SLC26A9: variants seen among roughly 807,000 people sequenced by gnomAD.
SLC26A9 encodes solute carrier family 26 member 9.
Under a neutral mutation model 87.1 loss-of-function variants are expected in SLC26A9, and 46 were observed. That is an observed-to-expected ratio of 0.53 (90% CI 0.42 to 0.67). The LOEUF (loss-of-function observed/expected upper bound fraction) is 0.67, where lower values mean the gene tolerates loss of function less well. SLC26A9 is among the 30% of genes least tolerant of loss of function. SLC26A9 has a pLI of 0.00. For synonymous variants in SLC26A9, 437 were observed against 409.1 expected, an observed-to-expected ratio of 1.07 and a Z score of -0.82; for missense variants, 927 against 1,018.3, an observed-to-expected ratio of 0.91 and a Z score of 1.22.
intron 20 of SLC26A9, 113 bp from the exon 21 acceptor site, chr1:205,915,517 CCTGTGTGTGT>C (rs960898538): frequency 5.6e-5 from 65 of 1,159,114 alleles, no homozygotes; most frequent in Non-Finnish European, 7.4e-5. Context: ...GAACAAAGCA[CCTGTGTGTGT>C]GTGTGTGTGT....
chr1:205,930,740 C>G (rs74144110), intron 5 of SLC26A9, among the ~76,000 whole-genome samples: 5,420 of 152,280 alleles, frequency 0.036, 322 homozygotes, highest in African/African-American at 0.12. Flanking sequence ...ATCACACTCT[C>G]TCAGGCCTCA....
At chr1:205,942,009 A>G (rs529823388) in intron 1 of SLC26A9, among the ~76,000 whole-genome samples, 115 of 152,196 alleles carry the variant, frequency 7.6e-4, no homozygotes, top group Admixed American at 1.4e-3. Flanking sequence ...CCATCTTCCA[A>G]GTAGTGACCC....
At position 205,932,980 on chromosome 1, in the gene SLC26A9, C is replaced by G; in HGVS notation, c.230G>C (p.Gly77Ala). 3 of 1,614,104 alleles carry G rather than the reference C, an allele frequency of 1.9e-6. No homozygotes were observed. The highest frequency in any genetic ancestry group is 2.5e-6 in the Non-Finnish European group (3 of 1,180,016). Reference sequence around the variant, plus strand: ...CTGGATGGATCCCCCGCTGAGTCCACCGAGCAGGTCAGGAATGATGTAGTC... The same window carrying G: ...CTGGATGGATCCCCCGCTGAGTCCAGCGAGCAGGTCAGGAATGATGTAGTC... The part of the protein sequence containing the change: ...IKDYIIPDLL[G>A]GLSGGSIQVP... Residue 77 changes from glycine to alanine, a missense_variant, in exon 3 of 21, where the codon GGT becomes GCT. Coordinates refer to ENST00000367135, the MANE Select transcript of SLC26A9 (RefSeq NM_052934.4).
In SLC26A9 at chr1:205,927,623, G is replaced by C. The variant is rs762272335; in HGVS notation, c.1102-18C>G. 16 of 1,608,044 alleles carry C rather than the reference G, an allele frequency of 9.9e-6. No homozygotes were observed. The highest frequency in any genetic ancestry group is 1.1e-5 in the South Asian group (1 of 89,948). On this transcript the variant is annotated intron_variant, in intron 9 of 20. Transcript: ENST00000367135. Reference sequence around the variant, plus strand: ...ATCATCTCCTGCAGGGAGGGGACAGGATTAGAAGCCAGTGTGGGGCTGGGG... The same window carrying C: ...ATCATCTCCTGCAGGGAGGGGACAGCATTAGAAGCCAGTGTGGGGCTGGGG...
At position 205,943,401 on chromosome 1, in the gene SLC26A9, G is replaced by C. The variant is rs1359390586; in HGVS notation, c.-55C>G. 2.0e-5 allele frequency: 3 copies of C among 152,484 alleles called. No homozygotes were observed. The highest frequency in any genetic ancestry group is 7.2e-5 in the African/African-American group (3 of 41,458). 9.4% of individuals were successfully genotyped at this position (152,484 alleles called of 1,614,324 possible). The stretch of plus-strand genomic sequence containing the variant: ...CAAAGCCGGCTGGGCAGGGCTGCAG[G>C]TGTGTCTGGGGAGCGGGCAGCCGAA... On this transcript the variant is annotated 5_prime_UTR_variant, in exon 1 of 21. Coordinates refer to ENST00000367135, the MANE Select transcript of SLC26A9 (RefSeq NM_052934.4).
chr1:205,915,289 A>G lies in SLC26A9; in HGVS notation c.*68T>C. The G allele has an allele frequency of 6.2e-7, 1 of 1,610,658 alleles. No homozygotes were observed. The highest frequency in any genetic ancestry group is 1.1e-5 in the South Asian group (1 of 90,462). On this transcript the variant is annotated 3_prime_UTR_variant, in exon 21 of 21. Transcript: ENST00000367135. ...TCCGCCCGACACCCCCTGTGACCCC[A>G]GGCTCATCCTTTATGGAAGTCCCAA...
At chr1:205,934,399 G>C (rs1354282475) in intron 2 of SLC26A9, among the ~76,000 whole-genome samples, 1 of 152,188 alleles carries the variant, frequency 6.6e-6, no homozygotes, top group Non-Finnish European at 1.5e-5. Context: ...GGCAGAGAAA[G>C]CCGGACTTAT....
At chr1:205,930,740 C>T (rs74144110) in intron 5 of SLC26A9, among the ~76,000 whole-genome samples, 1 of 152,178 alleles carries the variant, frequency 6.6e-6, no homozygotes. Context: ...ATCACACTCT[C>T]TCAGGCCTCA....
rs1659378438 is a variant in SLC26A9 at position 205,933,202 on chromosome 1, C to T, written c.126-118G>A. ...ATTGGTTCATTCAAAATTCACTGAA[C>T]TGTGTGCCAGGGATATTGAGAAGAA... On this transcript the variant is annotated intron_variant, in intron 2 of 20. Coordinates refer to ENST00000367135, the MANE Select transcript of SLC26A9 (RefSeq NM_052934.4). 3 of 1,428,138 alleles carry T rather than the reference C, an allele frequency of 2.1e-6. No homozygotes were observed. The South Asian group carries it at 3.9e-5, about 18-fold the overall frequency. 88.5% of individuals were successfully genotyped at this position (1,428,138 alleles called of 1,614,324 possible). A position where few individuals can be genotyped will look rare whatever the true frequency, so the allele number is the denominator to read the frequency against.
At chr1:205,920,256 G>A (rs201481572) in intron 17 of SLC26A9, 26 bp from the exon 18 acceptor site, 16 of 1,613,568 alleles carry the variant, frequency 9.9e-6, no homozygotes, top group Non-Finnish European at 1.4e-5. Flanking sequence ...GGGTAGGGAG[G>A]CAAAAGGAAA....
chr1:205,927,299 A>G lies in SLC26A9; in HGVS notation c.1216-11T>C, dbSNP rs773594260. ...ACACAGGCTGGCCACCTATTCCGAG[A>G]AAGAGTTGGGGATAGAGGGAAGGTG... On this transcript the variant is annotated splice_polypyrimidine_tract_variant and intron_variant, in intron 10 of 20. Coordinates refer to ENST00000367135, the MANE Select transcript of SLC26A9 (RefSeq NM_052934.4). The G allele has an allele frequency of 1.2e-6, 2 of 1,613,992 alleles. No homozygotes were observed. The highest frequency in any genetic ancestry group is 2.2e-5 in the South Asian group (2 of 91,052).
chr1:205,927,493 T>C lies in SLC26A9; in HGVS notation c.1214A>G (p.Gln405Arg). ...CAACTCCCCTAGAACAAGGCTCACC[T>C]GGGATTTTCCTCCAGCTCCATCCAC... ...LAVDGAGGKS[Q>R]VASLCVSLVV... The change falls in exon 10 of 21, where the codon CAG becomes CGG. Residue 405 changes from glutamine to arginine, a missense_variant and splice_region_variant. By Grantham distance (43) the Gln-to-Arg change is conservative. Transcript: ENST00000367135. The C allele has an allele frequency of 1.9e-6, 3 of 1,613,704 alleles. No individual in the cohort carries two copies. Among genetic ancestry groups the C allele is most frequent in the Non-Finnish European group, 2.5e-6 (3 of 1,179,760 alleles).
chr1:205,943,135 A>G, intron 1 of SLC26A9, among the ~76,000 whole-genome samples: 1 of 152,172 alleles, frequency 6.6e-6, no homozygotes, highest in East Asian at 1.9e-4. Context: ...CCCTCAGTCA[A>G]GCCCAGCCTT....
chr1:205,930,782 C>T (rs1659272292), intron 5 of SLC26A9, among the ~76,000 whole-genome samples: 2 of 152,184 alleles, frequency 1.3e-5, no homozygotes, highest in African/African-American at 2.4e-5. Flanking sequence ...TCTGCCTGGA[C>T]CATCCTCTGT....
At position 205,937,773 on chromosome 1, in the gene SLC26A9, G is replaced by C. The variant is rs75422336; in HGVS notation, c.-18-1935C>G. Among the ~76,000 whole-genome samples the C allele has an allele frequency of 4.9e-3, 741 of 152,120 alleles. 5 individuals are homozygous for C. Among genetic ancestry groups the C allele is most frequent in the African/African-American group, 0.017 (690 of 41,460 alleles). Reference sequence around the variant, plus strand: ...GCTGTCCAGGTGGTTTGCCTGCGGGGGCTCAATGAGTGGGGAGCATGACCT... The same window carrying C: ...GCTGTCCAGGTGGTTTGCCTGCGGGCGCTCAATGAGTGGGGAGCATGACCT... On this transcript the variant is annotated intron_variant, in intron 1 of 20. Coordinates refer to ENST00000367135, the MANE Select transcript of SLC26A9 (RefSeq NM_052934.4).
rs1658441777 is a variant in SLC26A9, at chr1:205,913,190, A to G, written c.*2167T>C. 6.6e-6 allele frequency: 1 copy of G among 152,250 alleles called. No individual in the cohort carries two copies. The highest frequency in any genetic ancestry group is 6.5e-5 in the Admixed American group (1 of 15,282). 9.4% of individuals were successfully genotyped at this position (152,250 alleles called of 1,614,324 possible). A position where few individuals can be genotyped will look rare whatever the true frequency, so the allele number is the denominator to read the frequency against. ...TATATTATCACAGGTCAGTATCACT[A>G]AGAACATTCAAAAGCATTGAAATTC... On this transcript the variant is annotated 3_prime_UTR_variant, in exon 21 of 21. Transcript: ENST00000367135.
chr1:205,930,134 G>A (rs914187635), intron 5 of SLC26A9, 78 bp from the exon 6 acceptor site: 11 of 1,471,138 alleles, frequency 7.5e-6, no homozygotes, highest in East Asian at 2.4e-5. Context: ...CCACACACAC[G>A]CAGGTCTGGA....
chr1:205,937,302 C>T (rs1659546868), intron 1 of SLC26A9, among the ~76,000 whole-genome samples: 1 of 152,280 alleles, frequency 6.6e-6, no homozygotes, highest in Admixed American at 6.5e-5. Flanking sequence ...AGCCCCTCGC[C>T]TGGCCCTTAG....
rs767760096 is a variant in SLC26A9, at chr1:205,935,797, G to A, written c.24C>T (p.Tyr8=). The A allele has an allele frequency of 4.6e-5, 74 of 1,613,552 alleles. No individual in the cohort carries two copies. The highest frequency in any genetic ancestry group is 2.0e-4 in the East Asian group (9 of 44,880). The stretch of plus-strand genomic sequence containing the variant: ...GGGAGTATGCGGCTCTGTCTACCAC[G>A]TAGCGGGGCCTGGGCTGGCTCATAT... MSQPRPR[Y]VVDRAAYSLT... is the part of the protein sequence containing the mutation. Residue 8 remains tyrosine, a synonymous_variant, in exon 2 of 21, where the codon TAC becomes TAT. Coordinates refer to ENST00000367135, the MANE Select transcript of SLC26A9 (RefSeq NM_052934.4).
Sources: gnomAD v4.1 joint callset for allele counts (sites outside exome capture counted in the v4.1 genomes callset) on GRCh38, gnomAD v4.1.1 for gene constraint, MANE v1.5 for transcripts, NCBI Gene and HGNC (gene_info 2026-07-23, HGNC 2026-07-21) for gene names.